WDFY4: variants seen among roughly 807,000 people sequenced by gnomAD.
The protein encoded by WDFY4 is WD repeat- and FYVE domain-containing protein 4.
Under a neutral mutation model 351.9 loss-of-function variants are expected in WDFY4, and 169 were observed. The ratio of observed to expected loss-of-function variants is 0.48; its 90% CI spans 0.42 to 0.55. The LOEUF is 0.55. Among genes scored for constraint, WDFY4 ranks in the 20% least tolerant of loss-of-function variants. The pLI, the probability that WDFY4 is intolerant of heterozygous loss-of-function variation, is 0.00. For synonymous variants in WDFY4, 1,622 were observed against 1,574.6 expected, an observed-to-expected ratio of 1.03 and a Z score of -0.71; for missense variants, 3,803 against 3,935.6, an observed-to-expected ratio of 0.97 and a Z score of 0.90.
intron 40 of WDFY4, among the ~76,000 whole-genome samples, chr10:48,869,719 TA>T (rs2069689737): frequency 6.6e-6 from 1 of 152,210 alleles, no homozygotes; most frequent in South Asian, 2.1e-4. Context: ...ATCTTCATTA[TA>T]ATTTGCAGAA....
rs141413276 is a variant in WDFY4, at chr10:48,970,420, C to T, written c.8928+131C>T. On this transcript the variant is annotated intron_variant, in intron 57 of 61. Coordinates refer to ENST00000325239, the MANE Select transcript of WDFY4 (RefSeq NM_001394531.1). The stretch of plus-strand genomic sequence containing the variant: ...ACACCCTAACTCTGCTCACTGAGGG[C>T]CCTGCCACCCTCAGAAGCTAGGAAT... 1.7e-5 allele frequency: 22 copies of T among 1,261,270 alleles called. No individual in the cohort carries two copies. In the African/African-American group the frequency reaches 2.5e-4, roughly 15 times the overall value. The allele number at this position is 1,261,270 out of a possible 1,614,324, so 78.1% of individuals were successfully genotyped here.
intron 31 of WDFY4, among the ~76,000 whole-genome samples, chr10:48,816,773 G>T (rs2067632735): frequency 2.6e-5 from 4 of 152,144 alleles, no homozygotes; most frequent in Admixed American, 2.6e-4. Flanking sequence ...ACATAAAAAG[G>T]TTAAATTTCT....
chr10:48,731,892 C>T (rs2064472604), intron 9 of WDFY4, among the ~76,000 whole-genome samples: 2 of 152,142 alleles, frequency 1.3e-5, no homozygotes, highest in African/African-American at 2.4e-5. Flanking sequence ...CTCAGAGAGG[C>T]CTGAGGTTTG....
chr10:48,758,341 T>C (rs1265966238), intron 12 of WDFY4, among the ~76,000 whole-genome samples: 3 of 152,186 alleles, frequency 2.0e-5, no homozygotes, highest in Non-Finnish European at 4.4e-5. Context: ...TTTCAAGATT[T>C]TTAAAATTTT....
At chr10:48,902,427 C>T (rs144442283) in intron 47 of WDFY4, among the ~76,000 whole-genome samples, 1 of 152,078 alleles carries the variant, frequency 6.6e-6, no homozygotes, top group East Asian at 1.9e-4. Context: ...TTATTTCAGT[C>T]GGGGTGAGAA....
chr10:48,831,618 G>T (rs563348176), intron 38 of WDFY4, among the ~76,000 whole-genome samples: 41 of 152,274 alleles, frequency 2.7e-4, no homozygotes, highest in African/African-American at 9.9e-4. Flanking sequence ...ATACATATCT[G>T]GTTTTGTCCA....
At chr10:48,952,319 C>CA (rs1589981119) in intron 51 of WDFY4, among the ~76,000 whole-genome samples, 1 of 152,198 alleles carries the variant, frequency 6.6e-6, no homozygotes, top group East Asian at 1.9e-4. Context: ...CCAATGCAGC[C>CA]AGGGCTGTGG....
chr10:48,890,472 C>A, intron 43 of WDFY4, 107 bp from the exon 44 acceptor site: 1 of 1,364,224 alleles, frequency 7.3e-7, no homozygotes, highest in South Asian at 1.4e-5. Context: ...GCACTGCTCT[C>A]ACCTCCAATT....
intron 43 of WDFY4, among the ~76,000 whole-genome samples, chr10:48,888,339 T>C (rs536945915): frequency 6.0e-5 from 9 of 149,772 alleles, no homozygotes; most frequent in South Asian, 2.2e-4. Flanking sequence ...CCTTTCCTTT[T>C]CTTTTCTTTT....
At chr10:48,850,831 G>A (rs1436047116) in intron 39 of WDFY4, among the ~76,000 whole-genome samples, 2 of 152,088 alleles carry the variant, frequency 1.3e-5, no homozygotes, top group East Asian at 3.9e-4. Context: ...TCTCTCCCTG[G>A]CCTCACCAAG....
chr10:48,730,995 T>C, intron 8 of WDFY4, 115 bp from the exon 9 acceptor site: 4 of 1,163,968 alleles, frequency 3.4e-6, no homozygotes, highest in East Asian at 2.6e-5. Flanking sequence ...CATGTGCCCA[T>C]AGGAGTTAGA....
At chr10:48,825,010 T>C in intron 35 of WDFY4, among the ~76,000 whole-genome samples, 1 of 152,192 alleles carries the variant, frequency 6.6e-6, no homozygotes, top group East Asian at 1.9e-4. Flanking sequence ...GTTTGTTACA[T>C]AGGTAAATGT....
rs543307681 is a variant in WDFY4 at position 48,799,933 on chromosome 10, C to T, written c.4411-3353C>T. 9.2e-4 allele frequency among the ~76,000 whole-genome samples: 140 copies of T among 152,070 alleles called. 1 individual carries two copies. Among genetic ancestry groups the T allele is most frequent in the Middle Eastern group, 3.4e-3 (1 of 294 alleles). On this transcript the variant is annotated intron_variant, in intron 24 of 61. Transcript: ENST00000325239. ...ACAGAGTCTCACTCTGTTGCCAGAC[C>T]GGAGTGCAGTGGCACAATCTCGGCT...
intron 21 of WDFY4, 37 bp downstream of exon 21, chr10:48,788,712 ATCTGGTT>A (rs752179309): frequency 6.5e-7 from 1 of 1,547,702 alleles, no homozygotes; most frequent in Non-Finnish European, 8.7e-7. Context: ...CTCTGTTGGA[ATCTGGTT>A]TCATGGTTTG....
At chr10:48,900,370 AAC>A in intron 46 of WDFY4, 64 bp downstream of exon 46, 1 of 1,419,244 alleles carries the variant, frequency 7.0e-7, no homozygotes, top group Non-Finnish European at 9.7e-7. Flanking sequence ...AGGGGCAGAG[AAC>A]ACTCAGCTCT....
In WDFY4 at chr10:48,805,391, G is replaced by A. The variant is rs901520731; in HGVS notation, c.4616G>A (p.Arg1539Lys). Residue 1539 changes from arginine to lysine, a missense_variant, in exon 26 of 62, where the codon AGG becomes AAG. Transcript: ENST00000325239. ...ATTGGCATCCTGGCCTGTCAGCTGA[G>A]GGGCCACTTCAGCACCCAGGACTTG... ...TIIGILACQL[R>K]GHFSTQDLLR... 3.6e-5 allele frequency: 55 copies of A among 1,549,206 alleles called. No homozygotes were observed. Among genetic ancestry groups the A allele is most frequent in the Non-Finnish European group, 4.6e-5 (53 of 1,147,016 alleles).
intron 47 of WDFY4, among the ~76,000 whole-genome samples, chr10:48,909,184 G>T (rs1472493993): frequency 6.6e-6 from 1 of 152,088 alleles, no homozygotes; most frequent in East Asian, 1.9e-4. Context: ...GCAAAATTTG[G>T]TTGTTTCCAT....
intron 39 of WDFY4, among the ~76,000 whole-genome samples, chr10:48,833,191 G>A (rs2068257689): frequency 6.6e-6 from 1 of 151,828 alleles, no homozygotes; most frequent in Non-Finnish European, 1.5e-5. Flanking sequence ...GAGAGAGAGA[G>A]AGAGAGATCA....
rs557662448 is a variant in WDFY4 at position 48,805,603 on chromosome 10, C to T, written c.4646+182C>T. Among the ~76,000 whole-genome samples, 9 of 152,292 alleles carry T rather than the reference C, an allele frequency of 5.9e-5. No individual in the cohort carries two copies. In the South Asian group the frequency reaches 6.2e-4, roughly 11 times the overall value. On this transcript the variant is annotated intron_variant, in intron 26 of 61. Transcript: ENST00000325239. Reference sequence around the variant, plus strand: ...TTGCTGAAGTCAGGATGGGACAGGCCGGTTTCCCCAGCAGGGCTGTGTGTT... The same window carrying T: ...TTGCTGAAGTCAGGATGGGACAGGCTGGTTTCCCCAGCAGGGCTGTGTGTT...
Sources: gnomAD v4.1 joint callset for allele counts (sites outside exome capture counted in the v4.1 genomes callset) on GRCh38, gnomAD v4.1.1 for gene constraint, MANE v1.5 for transcripts, NCBI Gene and HGNC (gene_info 2026-07-23, HGNC 2026-07-21) for gene names.